The following MAGI1 variants were observed in gnomAD, a reference collection of about 807,000 sequenced individuals.
The protein encoded by MAGI1 is membrane-associated guanylate kinase, WW and PDZ domain-containing protein 1.
A neutral mutation model predicts 139.9 loss-of-function variants in MAGI1; 58 were observed. That is an observed-to-expected ratio of 0.41 (90% CI 0.34 to 0.52). MAGI1 has a LOEUF of 0.52. MAGI1 is among the 20% of genes least tolerant of loss of function. The pLI is 0.12. For synonymous variants in MAGI1, 812 were observed against 737.9 expected (o/e 1.10, Z -1.63); for missense variants, 1,874 against 1,901.6 (o/e 0.99, Z 0.27).
intron 1 of MAGI1, among the ~76,000 whole-genome samples, chr3:65,998,666 T>A (rs2066583060): frequency 6.6e-6 from 1 of 152,202 alleles, no homozygotes; most frequent in Non-Finnish European, 1.5e-5. Context: ...TAGATTATAC[T>A]CTGAAACCAT....
chr3:65,454,734 A>C (rs1053033981), intron 5 of MAGI1, among the ~76,000 whole-genome samples: 9 of 131,048 alleles, frequency 6.9e-5, no homozygotes, highest in Non-Finnish European at 9.4e-5. Flanking sequence ...CAAAAAAAAA[A>C]ACATATGGCT....
At chr3:65,791,785 T>C (rs2039792434) in intron 1 of MAGI1, among the ~76,000 whole-genome samples, 2 of 152,202 alleles carry the variant, frequency 1.3e-5, no homozygotes, top group South Asian at 4.1e-4. Context: ...ATTACTTCCA[T>C]AGCAGAAAAA....
At chr3:65,434,623 C>G (rs1026292995) in intron 10 of MAGI1, among the ~76,000 whole-genome samples, 5 of 152,118 alleles carry the variant, frequency 3.3e-5, no homozygotes, top group African/African-American at 1.2e-4. Context: ...ACACTAGACA[C>G]TAGATGGCTA....
intron 1 of MAGI1, among the ~76,000 whole-genome samples, chr3:65,795,696 TAC>T (rs10527666): frequency 3.4e-3 from 473 of 138,746 alleles, no homozygotes; most frequent in Middle Eastern, 7.0e-3. Context: ...GATGATAAGA[TAC>T]ACACACACAC....
chr3:65,393,683 G>A (rs541346396), intron 13 of MAGI1, among the ~76,000 whole-genome samples: 1 of 152,206 alleles, frequency 6.6e-6, no homozygotes, highest in East Asian at 1.9e-4. Context: ...CTCTCTTTTG[G>A]TTCCTCAAAT....
intron 1 of MAGI1, among the ~76,000 whole-genome samples, chr3:65,929,279 C>T (rs940295682): frequency 6.6e-6 from 1 of 152,124 alleles, no homozygotes; most frequent in African/African-American, 2.4e-5. Flanking sequence ...AACTCAAATT[C>T]ATTTCATATG....
intron 12 of MAGI1, among the ~76,000 whole-genome samples, chr3:65,410,993 T>C (rs1267102106): frequency 3.9e-5 from 6 of 152,146 alleles, no homozygotes; most frequent in Non-Finnish European, 8.8e-5. Context: ...GAGTCAGAAG[T>C]GGAGTGAACT....
chr3:65,980,475 A>T (rs1352569296), intron 1 of MAGI1, among the ~76,000 whole-genome samples: 1 of 151,704 alleles, frequency 6.6e-6, no homozygotes, highest in Non-Finnish European at 1.5e-5. Flanking sequence ...AGGCAGGAGA[A>T]TCGCTTGAAC....
intron 2 of MAGI1, among the ~76,000 whole-genome samples, chr3:65,603,895 C>A (rs1333191394): frequency 2.6e-5 from 4 of 151,960 alleles, no homozygotes; most frequent in Non-Finnish European, 5.9e-5. Context: ...GAAAGGAAAC[C>A]CACTCTCTCA....
intron 1 of MAGI1, among the ~76,000 whole-genome samples, chr3:65,921,960 CAAAAG>C (rs2108741272): frequency 6.8e-6 from 1 of 147,964 alleles, no homozygotes; most frequent in Non-Finnish European, 1.5e-5. Flanking sequence ...ACACACTACA[CAAAAG>C]GAAAGAATAT....
At chr3:65,742,666 C>A (rs1331204682) in intron 1 of MAGI1, among the ~76,000 whole-genome samples, 1 of 152,192 alleles carries the variant, frequency 6.6e-6, no homozygotes, top group Non-Finnish European at 1.5e-5. Context: ...AAGACGCCAC[C>A]TACAACCACA....
intron 1 of MAGI1, among the ~76,000 whole-genome samples, chr3:65,637,740 G>C (rs1410134925): frequency 2.0e-5 from 3 of 152,110 alleles, no homozygotes; most frequent in African/African-American, 7.2e-5. Context: ...CACGGTTTAG[G>C]GCTGGGAACA....
At chr3:65,883,650 T>C (rs2060421768) in intron 1 of MAGI1, among the ~76,000 whole-genome samples, 1 of 152,236 alleles carries the variant, frequency 6.6e-6, no homozygotes, top group African/African-American at 2.4e-5. Flanking sequence ...CTTTAAACAC[T>C]GGCATCAGAC....
At chr3:65,807,358 G>A (rs1027448114) in intron 1 of MAGI1, among the ~76,000 whole-genome samples, 1 of 152,248 alleles carries the variant, frequency 6.6e-6, no homozygotes, top group Middle Eastern at 3.4e-3. Flanking sequence ...GACAAAAAGG[G>A]ACCGGCTTTC....
At chr3:65,985,399 G>A (rs2065828853) in intron 1 of MAGI1, among the ~76,000 whole-genome samples, 1 of 152,136 alleles carries the variant, frequency 6.6e-6, no homozygotes, top group Non-Finnish European at 1.5e-5. Context: ...TGTTCTCAAT[G>A]GACTTTGAGA....
At chr3:65,491,860 A>T (rs1173198624) in intron 3 of MAGI1, among the ~76,000 whole-genome samples, 3 of 152,158 alleles carry the variant, frequency 2.0e-5, no homozygotes, top group African/African-American at 7.2e-5. Flanking sequence ...ATTCATGAGC[A>T]GGAATTTGAT....
chr3:65,386,075 A>G (rs1031028112), intron 14 of MAGI1, among the ~76,000 whole-genome samples: 4 of 152,134 alleles, frequency 2.6e-5, no homozygotes, highest in Non-Finnish European at 5.9e-5. Context: ...AGAGACTTCC[A>G]GCCCAGACCC....
intron 1 of MAGI1, among the ~76,000 whole-genome samples, chr3:65,857,825 A>G (rs1485075832): frequency 2.0e-5 from 3 of 152,204 alleles, no homozygotes; most frequent in African/African-American, 7.2e-5. Context: ...TCGTGGGGAC[A>G]CAGTGAAAAC....
At chr3:65,610,840 T>C (rs1278965872) in intron 2 of MAGI1, among the ~76,000 whole-genome samples, 2 of 94,154 alleles carry the variant, frequency 2.1e-5, no homozygotes, top group East Asian at 4.9e-4. Flanking sequence ...CAGTAGATAG[T>C]ATATACTATA....
Sources: gnomAD v4.1 joint callset for allele counts (sites outside exome capture counted in the v4.1 genomes callset) on GRCh38, gnomAD v4.1.1 for gene constraint, MANE v1.5 for transcripts, NCBI Gene and HGNC (gene_info 2026-07-23, HGNC 2026-07-21) for gene names.